Variants in CTCF observed in about 807,000 individuals in gnomAD.
CTCF encodes the protein transcriptional repressor CTCF.
CTCF carries 7 observed loss-of-function variants against 72.3 expected under a neutral mutation model. The ratio of observed to expected loss-of-function variants is 0.10; its 90% confidence interval spans 0.06 to 0.18. CTCF has a LOEUF of 0.18. Among genes scored for constraint, CTCF ranks in the 10% least tolerant of loss-of-function variants. The pLI is 1.00. For missense variants in CTCF, 516 were observed against 949.1 expected (o/e 0.54, Z 6.00); for synonymous variants, 374 against 315.8 (o/e 1.18, Z -1.95).
At chr16:67,609,116 C>G (rs191224437) in intron 2 of CTCF, among the ~76,000 whole-genome samples, 1 of 152,228 alleles carries the variant, frequency 6.6e-6, no homozygotes, top group Admixed American at 6.5e-5. Flanking sequence ...TGTATAATCC[C>G]AGCACTTTGG....
At chr16:67,621,308 G>A (rs1451410909) in intron 6 of CTCF, 134 bp from the exon 7 acceptor site, 2 of 639,918 alleles carry the variant, frequency 3.1e-6, no homozygotes, top group Non-Finnish European at 5.4e-6. Flanking sequence ...TCCGGGAACT[G>A]GGACTGAGCC....
At chr16:67,584,602 A>C (rs2051642625) in intron 2 of CTCF, among the ~76,000 whole-genome samples, 1 of 151,768 alleles carries the variant, frequency 6.6e-6, no homozygotes, top group Admixed American at 6.6e-5. Flanking sequence ...CTGGGATTAC[A>C]GGCGTGAGCC....
At chr16:67,619,800 T>A (rs2052178897) in intron 5 of CTCF, among the ~76,000 whole-genome samples, 1 of 152,174 alleles carries the variant, frequency 6.6e-6, no homozygotes, top group Non-Finnish European at 1.5e-5. Flanking sequence ...CCCAGGCTGG[T>A]CTCGAACTCC....
chr16:67,634,234 G>T (rs184086234), intron 10 of CTCF, among the ~76,000 whole-genome samples: 36 of 152,216 alleles, frequency 2.4e-4, no homozygotes, highest in African/African-American at 8.4e-4. Context: ...CCCAGACAAA[G>T]TCTTACTCTG....
intron 2 of CTCF, among the ~76,000 whole-genome samples, chr16:67,603,544 G>A (rs1184905851): frequency 6.6e-6 from 1 of 150,390 alleles, no homozygotes; most frequent in Non-Finnish European, 1.5e-5. Flanking sequence ...AAAAAAAAAG[G>A]CTGGGTGTGG....
intron 2 of CTCF, among the ~76,000 whole-genome samples, chr16:67,589,110 A>G (rs546554819): frequency 6.6e-6 from 1 of 152,226 alleles, no homozygotes; most frequent in East Asian, 1.9e-4. Flanking sequence ...GAGGCAACAA[A>G]GCAAGACCCC....
chr16:67,631,683 C>G (rs1394243877), intron 10 of CTCF, among the ~76,000 whole-genome samples: 1 of 96,672 alleles, frequency 1.0e-5, no homozygotes, highest in East Asian at 3.6e-4. Context: ...CCCCCCCACC[C>G]CCCCCCCCTT....
Position 67,565,023 on chromosome 16 carries a change from C to T in CTCF, c.-127+2299C>T, listed in dbSNP as rs572485288. On this transcript the variant is annotated intron_variant, in intron 1 of 11. Coordinates refer to ENST00000264010, the MANE Select transcript of CTCF (RefSeq NM_006565.4). Reference sequence around the variant, plus strand: ...CCCAGACCTTTTTTTTTTTTTGAGACGGAGTCTCGTTCTGTCCCCTAGGCT... The same window carrying T: ...CCCAGACCTTTTTTTTTTTTTGAGATGGAGTCTCGTTCTGTCCCCTAGGCT... Among the ~76,000 whole-genome samples, 12 of 149,648 alleles carry T rather than the reference C, an allele frequency of 8.0e-5. No homozygotes were observed. In the East Asian group the frequency reaches 2.0e-3, roughly 24 times the overall value.
chr16:67,576,140 TA>T (rs561098313), intron 2 of CTCF, among the ~76,000 whole-genome samples: 242 of 91,910 alleles, frequency 2.6e-3, no homozygotes, highest in East Asian at 7.4e-3. Context: ...GACCCTGTCT[TA>T]AAAAAAAAAA....
intron 10 of CTCF, among the ~76,000 whole-genome samples, chr16:67,636,136 G>A (rs982767120): frequency 2.6e-5 from 4 of 152,122 alleles, no homozygotes; most frequent in African/African-American, 7.2e-5. Flanking sequence ...AGCACATTGG[G>A]AGGCCGAGGC....
At chr16:67,632,772 CTA>C (rs1245270183) in intron 10 of CTCF, among the ~76,000 whole-genome samples, 1 of 152,234 alleles carries the variant, frequency 6.6e-6, no homozygotes, top group Non-Finnish European at 1.5e-5. Context: ...TGCCACCTAT[CTA>C]TATATTCCCC....
rs536371093 is a variant in CTCF at position 67,584,361 on chromosome 16, G to A, written c.-10+13097G>A. ...TCTTTTTTTTTTTTTTTTTTTTTGA[G>A]ATGGAGTCTCGCTCTGTCACCCAGG... is the stretch of plus-strand genomic sequence containing the variant. On this transcript the variant is annotated intron_variant, in intron 2 of 11. Transcript: ENST00000264010. 1.4e-3 allele frequency among the ~76,000 whole-genome samples: 138 copies of A among 97,636 alleles called. 1 individual carries two copies. Among genetic ancestry groups the A allele is most frequent in the Middle Eastern group, 0.012 (2 of 170 alleles). The allele number at this position is 97,636 out of a possible 152,430, so 64.1% of individuals were successfully genotyped here.
In CTCF at chr16:67,628,360, G is replaced by T. The variant is rs1445214355; in HGVS notation, c.1519-10G>T. On this transcript the variant is annotated splice_polypyrimidine_tract_variant and intron_variant, in intron 8 of 11. Coordinates refer to ENST00000264010, the MANE Select transcript of CTCF (RefSeq NM_006565.4). Reference sequence around the variant, plus strand: ...CAGGCTCTGAGGCCTTTCCCCCTATGCCGTTTCAGGAGAGGCACATGATCA... The same window carrying T: ...CAGGCTCTGAGGCCTTTCCCCCTATTCCGTTTCAGGAGAGGCACATGATCA... 1 of 1,611,488 alleles carries T rather than the reference G, an allele frequency of 6.2e-7. No homozygotes were observed. The highest frequency in any genetic ancestry group is 1.3e-5 in the African/African-American group (1 of 74,882).
At chr16:67,573,388 C>T (rs774362354) in intron 2 of CTCF, among the ~76,000 whole-genome samples, 3 of 151,836 alleles carry the variant, frequency 2.0e-5, no homozygotes, top group Non-Finnish European at 4.4e-5. Context: ...GCCAAGATCA[C>T]ACCACTGCAC....
At chr16:67,637,605 C>G in intron 11 of CTCF, 83 bp from the exon 12 acceptor site, 2 of 1,133,870 alleles carry the variant, frequency 1.8e-6, no homozygotes, top group Non-Finnish European at 2.6e-6. Flanking sequence ...TGCTGACATC[C>G]CGTTCGCTGT....
intron 4 of CTCF, chr16:67,612,588 T>TTA (rs1268457207): frequency 1.4e-5 from 2 of 144,830 alleles, no homozygotes; most frequent in African/African-American, 5.1e-5. Context: ...AGTCTCCGTC[T>TTA]AAAAAAAAAG....
At chr16:67,637,268 A>G (rs943957756) in intron 11 of CTCF, among the ~76,000 whole-genome samples, 1 of 152,240 alleles carries the variant, frequency 6.6e-6, no homozygotes, top group East Asian at 1.9e-4. Flanking sequence ...GCGGTGGCTC[A>G]TGCCTGTGAT....
intron 1 of CTCF, among the ~76,000 whole-genome samples, chr16:67,567,626 T>C (rs2051360187): frequency 6.6e-6 from 1 of 152,134 alleles, no homozygotes; most frequent in East Asian, 1.9e-4. Context: ...TGATCATAGC[T>C]GTTGCCCAGA....
rs2052461991 is a variant in CTCF, at chr16:67,638,400, A to G, written c.*528A>G. ...CTGAAAGCTTTGCCTCTTTCTTGGC[A>G]AAGTTTCTGGTATGGTCAAGCTTGT... is the stretch of plus-strand genomic sequence containing the variant. On this transcript the variant is annotated 3_prime_UTR_variant, in exon 12 of 12. Coordinates refer to ENST00000264010, the MANE Select transcript of CTCF (RefSeq NM_006565.4). 8.9e-6 allele frequency: 2 copies of G among 225,956 alleles called. No homozygotes were observed. Among genetic ancestry groups the G allele is most frequent in the Non-Finnish European group, 1.8e-5 (2 of 113,490 alleles). 14.0% of individuals were successfully genotyped at this position (225,956 alleles called of 1,614,324 possible). A position where few individuals can be genotyped will look rare whatever the true frequency, so the allele number is the denominator to read the frequency against.
Sources: gnomAD v4.1 joint callset for allele counts (sites outside exome capture counted in the v4.1 genomes callset) on GRCh38, gnomAD v4.1.1 for gene constraint, MANE v1.5 for transcripts, NCBI Gene and HGNC (gene_info 2026-07-23, HGNC 2026-07-21) for gene names.